GABRA4: variants seen among roughly 807,000 people sequenced by gnomAD.
The protein encoded by GABRA4 is gamma-aminobutyric acid receptor subunit alpha-4.
A neutral mutation model predicts 49.7 loss-of-function variants in GABRA4; 12 were observed. The observed-to-expected ratio is 0.24, with a 90% CI of 0.15 to 0.39. The LOEUF (loss-of-function observed/expected upper bound fraction) is 0.39, where lower values mean the gene tolerates loss of function less well. Among genes scored for constraint, GABRA4 ranks in the 10% least tolerant of loss-of-function variants. The probability of loss-of-function intolerance (pLI) is 1.00; values close to 1 mark genes in which losing one functional copy is unlikely to be tolerated. For synonymous variants in GABRA4, 288 were observed against 240.2 expected (o/e 1.20, Z -1.84); for missense variants, 506 against 686.0 (o/e 0.74, Z 2.93).
intron 2 of GABRA4, among the ~76,000 whole-genome samples, chr4:46,983,411 A>G (rs75708715): frequency 6.6e-6 from 1 of 152,096 alleles, no homozygotes; most frequent in South Asian, 2.1e-4. Context: ...TTGAAGTCCC[A>G]AACTAGCACA....
In GABRA4 at chr4:46,923,460, A is replaced by T. The variant is rs1215828683; in HGVS notation, c.*4765T>A. ...CTACTCTTCTAGACAAACATATCCA[A>T]ATACAAAATATTTCTGATTTCTGGG... On this transcript the variant is annotated 3_prime_UTR_variant, in exon 9 of 9. Transcript: ENST00000264318. 2 of 152,204 alleles carry T rather than the reference A, an allele frequency of 1.3e-5. No homozygotes were observed. Among genetic ancestry groups the T allele is most frequent in the East Asian group, 3.9e-4 (2 of 5,174 alleles). The allele number at this position is 152,204 out of a possible 1,614,324, so 9.4% of individuals were successfully genotyped here.
At chr4:46,934,131 A>G (rs1721530544) in intron 8 of GABRA4, among the ~76,000 whole-genome samples, 2 of 152,218 alleles carry the variant, frequency 1.3e-5, no homozygotes, top group Admixed American at 1.3e-4. Context: ...ATGAAGTTTA[A>G]TAAAATGTAA....
rs572889689 is a variant in GABRA4, at chr4:46,929,561, A to C, written c.1135-806T>G. On this transcript the variant is annotated intron_variant, in intron 8 of 8. Transcript: ENST00000264318. ...TGTAGAACAAGATTATATTTGAAGA[A>C]AGTTGTGCAGTAAACCACTAAAATT... Among the ~76,000 whole-genome samples, 10 of 152,222 alleles carry C rather than the reference A, an allele frequency of 6.6e-5. No homozygotes were observed. The East Asian group carries it at 1.9e-3, about 29-fold the overall frequency.
intron 8 of GABRA4, among the ~76,000 whole-genome samples, chr4:46,946,897 G>T (rs1722000412): frequency 2.0e-5 from 3 of 152,062 alleles, no homozygotes; most frequent in Admixed American, 1.3e-4. Flanking sequence ...CTAAAGCATT[G>T]TGGAATTAAT....
In GABRA4 at chr4:46,984,060, C is replaced by T. The variant is rs73813762; in HGVS notation, c.206-4962G>A. Among the ~76,000 whole-genome samples, 298 of 152,084 alleles carry T rather than the reference C, an allele frequency of 2.0e-3. 2 individuals carry two copies. Among genetic ancestry groups the T allele is most frequent in the African/African-American group, 6.5e-3 (271 of 41,520 alleles). The stretch of plus-strand genomic sequence containing the variant: ...TCAGATAATTTCCCAGTTTACTTAA[C>T]TTTAGCAGTACAGATATGGTTAAAG... On this transcript the variant is annotated intron_variant, in intron 2 of 8. Transcript: ENST00000264318.
intron 8 of GABRA4, among the ~76,000 whole-genome samples, chr4:46,958,768 C>T (rs111375621): frequency 5.9e-5 from 9 of 151,918 alleles, no homozygotes; most frequent in African/African-American, 1.4e-4. Flanking sequence ...CCCAAAGAAC[C>T]GAAATGATCA....
rs1178219712 is a variant in GABRA4 at position 46,922,961 on chromosome 4, C to G, written c.*5264G>C. ...CACCCATTGAGCATTATCGCCTGAG[C>G]TCTGCCTCCTGTCAGATTAGCGGCG... On this transcript the variant is annotated 3_prime_UTR_variant, in exon 9 of 9. Transcript: ENST00000264318. 6.6e-6 allele frequency: 1 copy of G among 152,168 alleles called. No individual in the cohort carries two copies. Among genetic ancestry groups the G allele is most frequent in the African/African-American group, 2.4e-5 (1 of 41,398 alleles). The allele number at this position is 152,168 out of a possible 1,614,324, so 9.4% of individuals were successfully genotyped here.
chr4:46,932,661 C>G (rs1378405423), intron 8 of GABRA4, among the ~76,000 whole-genome samples: 1 of 152,090 alleles, frequency 6.6e-6, no homozygotes, highest in Non-Finnish European at 1.5e-5. Context: ...TTAACATATT[C>G]AATTATGGAT....
intron 8 of GABRA4, among the ~76,000 whole-genome samples, chr4:46,957,957 T>C (rs1411773332): frequency 6.6e-6 from 1 of 152,042 alleles, no homozygotes; most frequent in Non-Finnish European, 1.5e-5. Context: ...TAATTATTCA[T>C]AGAAATATGA....
At chr4:46,944,336 CA>C (rs140443970) in intron 8 of GABRA4, among the ~76,000 whole-genome samples, 39,427 of 151,934 alleles carry the variant, frequency 0.26, 5,518 homozygotes, top group East Asian at 0.37. Flanking sequence ...CTTTGTCAGC[CA>C]GGGGGCAGTT....
At chr4:46,939,315 C>T (rs1721711626) in intron 8 of GABRA4, among the ~76,000 whole-genome samples, 1 of 151,878 alleles carries the variant, frequency 6.6e-6, no homozygotes, top group African/African-American at 2.4e-5. Context: ...ATATCAATTT[C>T]CAGGCAGAAA....
chr4:46,980,170 A>G (rs992682568), intron 2 of GABRA4, among the ~76,000 whole-genome samples: 1 of 152,152 alleles, frequency 6.6e-6, no homozygotes, highest in African/African-American at 2.4e-5. Flanking sequence ...CAATAATGAC[A>G]GTAGTCATTA....
rs1440712637 is a variant in GABRA4 at position 46,928,481 on chromosome 4, A to T, written c.1409T>A (p.Val470Asp). 1.2e-6 allele frequency: 2 copies of T among 1,613,646 alleles called. No homozygotes were observed. The highest frequency in any genetic ancestry group is 1.3e-5 in the African/African-American group (1 of 75,014). The change falls in exon 9 of 9, where the codon GTT becomes GAT. Residue 470 changes from valine to aspartate, a missense_variant. Coordinates refer to ENST00000264318, the MANE Select transcript of GABRA4 (RefSeq NM_000809.4). ...CACGTGACGAGTAGAAGCAGATCCA[A>T]CTGAAGCCTTTCGAGGCATATATCC... The part of the protein sequence containing the change: ...RTGYMPRKAS[V>D]GSASTRHVFG...
chr4:46,936,482 T>C (rs920705446), intron 8 of GABRA4, among the ~76,000 whole-genome samples: 1 of 152,142 alleles, frequency 6.6e-6, no homozygotes, highest in African/African-American at 2.4e-5. Context: ...ACTCCTGACC[T>C]CAGGTGATCC....
chr4:46,966,407 G>A (rs1285743980), intron 7 of GABRA4, among the ~76,000 whole-genome samples: 2 of 151,840 alleles, frequency 1.3e-5, no homozygotes, highest in South Asian at 2.1e-4. Context: ...TAATGAGTCC[G>A]ATGCAATATT....
At chr4:46,973,299 T>TG (rs766573031) in intron 6 of GABRA4, among the ~76,000 whole-genome samples, 5 of 151,718 alleles carry the variant, frequency 3.3e-5, no homozygotes, top group Non-Finnish European at 7.4e-5. Flanking sequence ...ACCATGATGG[T>TG]GGAGCCTTTA....
intron 8 of GABRA4, among the ~76,000 whole-genome samples, chr4:46,942,781 C>T (rs1721852908): frequency 6.6e-6 from 1 of 152,058 alleles, no homozygotes; most frequent in South Asian, 2.1e-4. Context: ...TTGTTCTCTA[C>T]CTAACTCTAA....
chr4:46,971,000 T>TTA, intron 7 of GABRA4, 83 bp downstream of exon 7: 2 of 1,338,794 alleles, frequency 1.5e-6, no homozygotes, highest in South Asian at 2.7e-5. Context: ...GTATTAGGGT[T>TTA]TAAGATTTTC....
At chr4:46,936,169 TG>T (rs1342436855) in intron 8 of GABRA4, among the ~76,000 whole-genome samples, 3 of 152,192 alleles carry the variant, frequency 2.0e-5, no homozygotes, top group Non-Finnish European at 4.4e-5. Flanking sequence ...CAGCCACAAG[TG>T]TTTCAATGTC....
Sources: gnomAD v4.1 joint callset for allele counts (sites outside exome capture counted in the v4.1 genomes callset) on GRCh38, gnomAD v4.1.1 for gene constraint, MANE v1.5 for transcripts, NCBI Gene and HGNC (gene_info 2026-07-23, HGNC 2026-07-21) for gene names.